ZNF423: variants seen among roughly 807,000 people sequenced by gnomAD.
ZNF423 encodes the protein zinc finger protein 423.
In ZNF423, 12 loss-of-function variants were observed where a neutral mutation model predicts 95.8. That is an observed-to-expected ratio of 0.13 (90% confidence interval 0.08 to 0.20). ZNF423 has a LOEUF of 0.20. Among genes scored for constraint, ZNF423 ranks in the 10% least tolerant of loss-of-function variants. The pLI, the probability that ZNF423 is intolerant of heterozygous loss-of-function variation, is 1.00. For missense variants in ZNF423, 1,316 were observed against 1,737.1 expected (o/e 0.76, Z 4.31); for synonymous variants, 749 against 711.9 (o/e 1.05, Z -0.83).
At chr16:49,752,059 C>T (rs1184224483) in intron 2 of ZNF423, among the ~76,000 whole-genome samples, 1 of 152,202 alleles carries the variant, frequency 6.6e-6, no homozygotes, top group East Asian at 1.9e-4. Flanking sequence ...TCTCCTGGCC[C>T]GTATCAAAGT....
intron 7 of ZNF423, among the ~76,000 whole-genome samples, chr16:49,500,095 A>G (rs1967335491): frequency 6.6e-6 from 1 of 152,104 alleles, no homozygotes; most frequent in African/African-American, 2.4e-5. Flanking sequence ...CTGTTGTCAC[A>G]AGCAAAGGAA....
At chr16:49,542,087 T>G (rs1969269387) in intron 5 of ZNF423, among the ~76,000 whole-genome samples, 1 of 152,228 alleles carries the variant, frequency 6.6e-6, no homozygotes, top group African/African-American at 2.4e-5. Flanking sequence ...TGGAAATGGT[T>G]GGACCAGAGA....
At position 49,638,362 on chromosome 16, in the gene ZNF423, T is replaced by C. The variant is rs1310211935; in HGVS notation, c.814A>G (p.Met272Val). 2 of 1,614,080 alleles carry C rather than the reference T, an allele frequency of 1.2e-6. No homozygotes were observed. The highest frequency in any genetic ancestry group is 3.3e-5 in the Admixed American group (2 of 60,028). ...SEKEAKKDDF[M>V]CDYCEDTFSQ... ...AAGGTGTCCTCGCAGTAGTCGCACA[T>C]GAAGTCGTCCTTCTTGGCTTCCTTC... is the stretch of plus-strand genomic sequence containing the variant. Residue 272 changes from methionine to valine, a missense_variant, in exon 4 of 8, where the codon ATG (methionine) becomes GTG (valine). Coordinates refer to ENST00000563137, the MANE Select transcript of ZNF423 (RefSeq NM_001379286.1). The surrounding 1 kb of genome is among the most constrained non-coding windows in gnomAD (Gnocchi z 5.6).
At chr16:49,739,704 T>G (rs916547712) in intron 2 of ZNF423, among the ~76,000 whole-genome samples, 1 of 150,262 alleles carries the variant, frequency 6.7e-6, no homozygotes, top group African/African-American at 2.4e-5. Flanking sequence ...TGGTTTTTTT[T>G]TTTTTTTTTT....
intron 7 of ZNF423, among the ~76,000 whole-genome samples, chr16:49,520,542 C>T (rs1968354335): frequency 6.6e-6 from 1 of 152,220 alleles, no homozygotes; most frequent in Non-Finnish European, 1.5e-5. Context: ...CAATCCTAAG[C>T]CTAGAATCTT....
At chr16:49,586,699 T>C (rs985145029) in intron 5 of ZNF423, among the ~76,000 whole-genome samples, 1 of 151,664 alleles carries the variant, frequency 6.6e-6, no homozygotes, top group Non-Finnish European at 1.5e-5. Context: ...TCTGCTCTAA[T>C]ATCACAACTG....
At chr16:49,547,922 T>C (rs1250024191) in intron 5 of ZNF423, among the ~76,000 whole-genome samples, 1 of 152,144 alleles carries the variant, frequency 6.6e-6, no homozygotes, top group East Asian at 1.9e-4. Flanking sequence ...TCCCCACCAA[T>C]TGTGCGTTTT....
At chr16:49,762,145 G>A (rs1002655264) in intron 2 of ZNF423, among the ~76,000 whole-genome samples, 21 of 152,322 alleles carry the variant, frequency 1.4e-4, no homozygotes, top group African/African-American at 4.6e-4. Flanking sequence ...CAGCAAAGGC[G>A]TTGAGGCCCA....
At chr16:49,841,141 T>G (rs1232197979) in intron 1 of ZNF423, among the ~76,000 whole-genome samples, 1 of 152,118 alleles carries the variant, frequency 6.6e-6, no homozygotes, top group Admixed American at 6.5e-5. Flanking sequence ...ACCAATAACA[T>G]GGCAAGGACG....
upstream of ZNF423, among the ~76,000 whole-genome samples, chr16:49,858,247 G>GC (rs1422240110): frequency 4.6e-4 from 69 of 148,606 alleles, no homozygotes; most frequent in East Asian, 0.011. This position sits in a 1 kb window ranked among gnomAD's most constrained non-coding sequence, Gnocchi z 4.3. Flanking sequence ...GGGCCGCGGC[G>GC]CCCGCCCCAC....
chr16:49,835,973 C>A (rs549568350), intron 1 of ZNF423, among the ~76,000 whole-genome samples: 3 of 152,118 alleles, frequency 2.0e-5, no homozygotes, highest in Non-Finnish European at 4.4e-5. Flanking sequence ...TGGGTGGAGA[C>A]AGAGAGAGGC....
At chr16:49,677,625 A>T (rs1304807736) in intron 3 of ZNF423, among the ~76,000 whole-genome samples, 1 of 151,574 alleles carries the variant, frequency 6.6e-6, no homozygotes, top group Non-Finnish European at 1.5e-5. Context: ...TCTCTATAAA[A>T]TTTTTTTAAA....
At chr16:49,525,038 C>G (rs114847208) in intron 6 of ZNF423, among the ~76,000 whole-genome samples, 1 of 152,128 alleles carries the variant, frequency 6.6e-6, no homozygotes, top group Non-Finnish European at 1.5e-5. Context: ...ACACAGGGCC[C>G]GGGAGGGGAA....
intron 3 of ZNF423, among the ~76,000 whole-genome samples, chr16:49,728,214 C>T (rs982311993): frequency 2.6e-5 from 4 of 152,130 alleles, no homozygotes; most frequent in Admixed American, 6.5e-5. Context: ...ATAATACATA[C>T]GCAATTCCCG....
At chr16:49,815,893 T>TACATAC in intron 1 of ZNF423, among the ~76,000 whole-genome samples, 1 of 45,794 alleles carries the variant, frequency 2.2e-5, no homozygotes, top group Admixed American at 2.7e-4. Flanking sequence ...TATATATATA[T>TACATAC]ATATATATAT....
intron 5 of ZNF423, among the ~76,000 whole-genome samples, chr16:49,585,339 A>G (rs1970795383): frequency 6.6e-6 from 1 of 152,098 alleles, no homozygotes; most frequent in African/African-American, 2.4e-5. Flanking sequence ...GGAGCAGCCC[A>G]CACCTTCCCT....
At chr16:49,651,492 G>C (rs1415721922) in intron 3 of ZNF423, among the ~76,000 whole-genome samples, 1 of 152,146 alleles carries the variant, frequency 6.6e-6, no homozygotes, top group Non-Finnish European at 1.5e-5. Context: ...CCCGGGCCTT[G>C]GAGACATCTG....
At chr16:49,829,316 G>A (rs1346568648) in intron 1 of ZNF423, among the ~76,000 whole-genome samples, 1 of 152,178 alleles carries the variant, frequency 6.6e-6, no homozygotes, top group Admixed American at 6.5e-5. Flanking sequence ...TGAAATGGAA[G>A]GATCCCACTA....
At chr16:49,792,481 C>T (rs2034432373) in intron 1 of ZNF423, among the ~76,000 whole-genome samples, 1 of 152,164 alleles carries the variant, frequency 6.6e-6, no homozygotes, top group Non-Finnish European at 1.5e-5. Flanking sequence ...CTGGGGAGGT[C>T]CAGAGTGGCA....
Sources: gnomAD v4.1 joint callset for allele counts (sites outside exome capture counted in the v4.1 genomes callset) on GRCh38, gnomAD v4.1.1 for gene constraint, Gnocchi (gnomAD v3.1) non-coding constraint, MANE v1.5 for transcripts, NCBI Gene and HGNC (gene_info 2026-07-23, HGNC 2026-07-21) for gene names.